Variants in THSD7A observed in about 807,000 individuals in gnomAD.
The protein encoded by THSD7A is thrombospondin type-1 domain-containing protein 7A.
Under a neutral mutation model 231.3 loss-of-function variants are expected in THSD7A, and 96 were observed. That is an observed-to-expected ratio of 0.41 (90% confidence interval 0.35 to 0.49). The LOEUF is 0.49. Ranked by LOEUF, THSD7A falls within the 20% of genes least tolerant of loss-of-function variation. THSD7A has a pLI of 0.05. For missense variants in THSD7A, 2,290 were observed against 2,070.2 expected (o/e 1.11, Z -2.06); for synonymous variants, 940 against 743.3 (o/e 1.26, Z -4.30).
intron 7 of THSD7A, among the ~76,000 whole-genome samples, chr7:11,480,637 G>T (rs1279802821): frequency 1.3e-5 from 2 of 152,008 alleles, no homozygotes; most frequent in Non-Finnish European, 2.9e-5. Flanking sequence ...ACACTATAAA[G>T]AAAATTCTAA....
chr7:11,398,612 G>A (rs1010596175), intron 23 of THSD7A, among the ~76,000 whole-genome samples: 2 of 152,114 alleles, frequency 1.3e-5, no homozygotes, highest in Admixed American at 6.6e-5. Context: ...AAGATTTCAC[G>A]TAAGTAGGAG....
At chr7:11,773,447 TTGAACCCGGGAG>T (rs1783301387) in intron 1 of THSD7A, among the ~76,000 whole-genome samples, 1 of 152,030 alleles carries the variant, frequency 6.6e-6, no homozygotes, top group Non-Finnish European at 1.5e-5. Flanking sequence ...GGAGAATTGC[TTGAACCCGGGAG>T]GCAGAGATTG....
At chr7:11,384,927 A>G (rs1782670182) in intron 23 of THSD7A, 3 of 151,992 alleles carry the variant, frequency 2.0e-5, no homozygotes, top group Non-Finnish European at 4.4e-5. Context: ...TAAAATTTAC[A>G]TGTTATAATA....
chr7:11,785,501 C>G (rs1346687900), intron 1 of THSD7A, among the ~76,000 whole-genome samples: 1 of 152,110 alleles, frequency 6.6e-6, no homozygotes, highest in African/African-American at 2.4e-5. Flanking sequence ...AGGGAGGTTT[C>G]TCATAATATG....
At chr7:11,809,139 A>G (rs1442306328) in intron 1 of THSD7A, among the ~76,000 whole-genome samples, 1 of 152,178 alleles carries the variant, frequency 6.6e-6, no homozygotes, top group Non-Finnish European at 1.5e-5. Context: ...GATGACTAAG[A>G]CAGCTTTTGC....
chr7:11,645,546 T>C (rs1352871892), intron 1 of THSD7A, among the ~76,000 whole-genome samples: 3 of 151,886 alleles, frequency 2.0e-5, no homozygotes, highest in Non-Finnish European at 2.9e-5. Flanking sequence ...AAGTTTGTTA[T>C]AAGGCAAACT....
rs1026019484 is a variant in THSD7A, at chr7:11,444,499, A to G, written c.3064+1562T>C. ...CCGTCATGCCCAGCAAACTAACACA[A>G]GAACAGAAAACCAAACTCTGCATGT... On this transcript the variant is annotated intron_variant, in intron 13 of 27. Transcript: ENST00000423059. This position sits in a 1 kb window ranked among gnomAD's most constrained non-coding sequence, Gnocchi z 4.2. Among the ~76,000 whole-genome samples, 2 of 152,060 alleles carry G rather than the reference A, an allele frequency of 1.3e-5. No individual in the cohort carries two copies. Among genetic ancestry groups the G allele is most frequent in the African/African-American group, 4.8e-5 (2 of 41,420 alleles).
At chr7:11,784,681 A>T (rs920759058) in intron 1 of THSD7A, among the ~76,000 whole-genome samples, 1 of 152,012 alleles carries the variant, frequency 6.6e-6, no homozygotes, top group Non-Finnish European at 1.5e-5. Flanking sequence ...TAATATTTTA[A>T]ATATACTTAT....
At chr7:11,586,947 G>C (rs1779934300) in intron 4 of THSD7A, among the ~76,000 whole-genome samples, 1 of 152,050 alleles carries the variant, frequency 6.6e-6, no homozygotes, top group Non-Finnish European at 1.5e-5. Context: ...CCAGATTTTA[G>C]TGTGGATTTT....
At chr7:11,397,492 T>C (rs367918822) in intron 23 of THSD7A, among the ~76,000 whole-genome samples, 54 of 152,298 alleles carry the variant, frequency 3.5e-4, no homozygotes, top group African/African-American at 1.2e-3. Flanking sequence ...ATTCAGGACA[T>C]AGGCATGGGC....
intron 13 of THSD7A, among the ~76,000 whole-genome samples, chr7:11,433,854 T>C (rs1784552364): frequency 6.6e-6 from 1 of 152,026 alleles, no homozygotes; most frequent in South Asian, 2.1e-4. Flanking sequence ...ACAAAACTTT[T>C]ATGTCCGATT....
At chr7:11,652,540 G>A (rs2128369159) in intron 1 of THSD7A, among the ~76,000 whole-genome samples, 1 of 151,988 alleles carries the variant, frequency 6.6e-6, no homozygotes, top group South Asian at 2.1e-4. Flanking sequence ...TCAGGCACCT[G>A]AAACTAAATT....
chr7:11,561,291 A>T (rs1038229167), intron 4 of THSD7A, among the ~76,000 whole-genome samples: 1 of 152,220 alleles, frequency 6.6e-6, no homozygotes, highest in African/African-American at 2.4e-5. Context: ...ATATAATGTC[A>T]TGTAGTAACA....
At chr7:11,797,414 T>C (rs79003406) in intron 1 of THSD7A, among the ~76,000 whole-genome samples, 12 of 116,780 alleles carry the variant, frequency 1.0e-4, no homozygotes, top group East Asian at 8.3e-4. Context: ...GCCTCTCTCT[T>C]TTTTTTTTTT....
chr7:11,500,796 C>T (rs1236604438), intron 6 of THSD7A, among the ~76,000 whole-genome samples: 3 of 151,742 alleles, frequency 2.0e-5, no homozygotes, highest in Non-Finnish European at 4.4e-5. Context: ...ATTAGCCAGG[C>T]GTGGTGGTGG....
At chr7:11,777,021 T>G (rs749021247) in intron 1 of THSD7A, among the ~76,000 whole-genome samples, 9 of 152,190 alleles carry the variant, frequency 5.9e-5, no homozygotes, top group Non-Finnish European at 1.0e-4. Context: ...GTCTCAGTTG[T>G]CATAAAAGCA....
chr7:11,687,448 CTTA>C lies in THSD7A; in HGVS notation c.191-50490_191-50488del, dbSNP rs774838486. On this transcript the variant is annotated intron_variant, in intron 1 of 27. Coordinates refer to ENST00000423059, the MANE Select transcript of THSD7A (RefSeq NM_015204.3). Reference sequence around the variant, plus strand: ...GACACACACACACACTCACACGTGGCTTATTGTCACACACGGCTTCTGTGAATA... The same window carrying C: ...GACACACACACACACTCACACGTGGCTTGTCACACACGGCTTCTGTGAATA... 5.9e-5 allele frequency among the ~76,000 whole-genome samples: 9 copies of C among 151,940 alleles called. No homozygotes were observed. The East Asian group carries it at 9.7e-4, about 16-fold the overall frequency.
intron 1 of THSD7A, among the ~76,000 whole-genome samples, chr7:11,818,764 G>C (rs1321068226): frequency 2.6e-5 from 4 of 152,082 alleles, no homozygotes; most frequent in Non-Finnish European, 5.9e-5. Context: ...TATTATATTT[G>C]CCTATTTCCT....
intron 1 of THSD7A, among the ~76,000 whole-genome samples, chr7:11,813,691 C>T (rs1305951372): frequency 6.0e-5 from 9 of 150,360 alleles, no homozygotes; most frequent in Non-Finnish European, 8.9e-5. Context: ...CTAGCCTGGG[C>T]GACAGAGCAA....
Sources: allele counts gnomAD v4.1 joint callset (sites outside exome capture counted in the v4.1 genomes callset), GRCh38; gene constraint gnomAD v4.1.1; non-coding constraint Gnocchi (gnomAD v3.1); transcripts MANE v1.5; gene names NCBI Gene and HGNC (gene_info 2026-07-23, HGNC 2026-07-21).